Variants in ZBTB46 observed in about 807,000 individuals in gnomAD.
ZBTB46 encodes the protein zinc finger and BTB domain containing 46.
Under a neutral mutation model 44.1 loss-of-function variants are expected in ZBTB46, and 8 were observed. The observed-to-expected ratio is 0.18, with a 90% confidence interval of 0.11 to 0.33. The LOEUF (loss-of-function observed/expected upper bound fraction) is 0.33, where lower values mean the gene tolerates loss of function less well. ZBTB46 is among the 10% of genes least tolerant of loss of function. The pLI is 1.00. For missense variants in ZBTB46, 651 were observed against 847.7 expected (o/e 0.77, Z 2.88); for synonymous variants, 409 against 382.3 (o/e 1.07, Z -0.81).
intron 1 of ZBTB46, among the ~76,000 whole-genome samples, chr20:63,830,730 G>C (rs994982372): frequency 2.0e-5 from 3 of 148,506 alleles, no homozygotes; most frequent in African/African-American, 7.3e-5. Flanking sequence ...GAGGTGCCGG[G>C]GAGGGAGCGC....
chr20:63,772,879 T>C (rs6062519), intron 3 of ZBTB46, among the ~76,000 whole-genome samples: 41,119 of 151,626 alleles, frequency 0.27, 5,875 homozygotes, highest in African/African-American at 0.37. Context: ...CCAGAACCAC[T>C]CAAGGTCCCA....
At chr20:63,771,586 C>T (rs1284065608) in intron 3 of ZBTB46, among the ~76,000 whole-genome samples, 1 of 151,958 alleles carries the variant, frequency 6.6e-6, no homozygotes, top group African/African-American at 2.4e-5. Flanking sequence ...AGGCGCTCCT[C>T]CACCGCGGCA....
At chr20:63,785,523 G>A (rs576366411) in intron 2 of ZBTB46, among the ~76,000 whole-genome samples, 34 of 152,230 alleles carry the variant, frequency 2.2e-4, no homozygotes, top group Admixed American at 9.8e-4. Context: ...TCACACCACC[G>A]CACTCCAGCC....
At chr20:63,821,326 ATT>A (rs1168686929) in intron 1 of ZBTB46, among the ~76,000 whole-genome samples, 2 of 147,290 alleles carry the variant, frequency 1.4e-5, no homozygotes, top group Non-Finnish European at 3.0e-5. Context: ...TACTATTATT[ATT>A]TTTTATTTTA....
intron 3 of ZBTB46, among the ~76,000 whole-genome samples, chr20:63,761,653 G>A (rs549287259): frequency 6.6e-6 from 1 of 151,940 alleles, no homozygotes; most frequent in East Asian, 1.9e-4. Flanking sequence ...GTGGTGGCCG[G>A]TGCCTGTAAT....
intron 3 of ZBTB46, among the ~76,000 whole-genome samples, chr20:63,760,248 G>A (rs1383183785): frequency 6.6e-6 from 1 of 152,152 alleles, no homozygotes; most frequent in East Asian, 1.9e-4. Context: ...TCGCCCTGAA[G>A]CTTTCTCTGT....
At chr20:63,799,390 A>T (rs915270642) in intron 1 of ZBTB46, among the ~76,000 whole-genome samples, 5 of 150,980 alleles carry the variant, frequency 3.3e-5, no homozygotes, top group Non-Finnish European at 5.9e-5. Flanking sequence ...GCTGTCGCCC[A>T]GGCTAGAGTG....
chr20:63,780,747 A>G (rs6122173), intron 2 of ZBTB46, among the ~76,000 whole-genome samples: 81,339 of 150,500 alleles, frequency 0.54, 22,049 homozygotes, highest in South Asian at 0.61. Flanking sequence ...GCTTGCAGTG[A>G]GCCGAGATTG....
chr20:63,763,993 C>T (rs545150112), intron 3 of ZBTB46, among the ~76,000 whole-genome samples: 70 of 151,950 alleles, frequency 4.6e-4, no homozygotes, highest in Admixed American at 3.8e-3. Flanking sequence ...AAATAAGAGA[C>T]GGCCTTGCTC....
intron 2 of ZBTB46, among the ~76,000 whole-genome samples, chr20:63,777,046 ACCACAC>A (rs1340776865): frequency 8.0e-5 from 11 of 137,988 alleles, no homozygotes; most frequent in Admixed American, 2.3e-4. Context: ...CCACGGTTCC[ACCACAC>A]GCCACGGTTC....
chr20:63,774,994 C>T (rs1175662735), intron 3 of ZBTB46, among the ~76,000 whole-genome samples: 7 of 152,180 alleles, frequency 4.6e-5, no homozygotes, highest in African/African-American at 1.7e-4. Flanking sequence ...TGAGCCACCG[C>T]GCCCGGCCCC....
chr20:63,768,490 C>G (rs930833504), intron 3 of ZBTB46, among the ~76,000 whole-genome samples: 3 of 152,224 alleles, frequency 2.0e-5, no homozygotes, highest in Admixed American at 2.0e-4. Context: ...ACCTGTAATC[C>G]CAGCTACTTG....
chr20:63,751,332 A>G (rs997625710), intron 4 of ZBTB46, among the ~76,000 whole-genome samples: 2 of 151,906 alleles, frequency 1.3e-5, no homozygotes, highest in African/African-American at 2.4e-5. Context: ...ACTGTCCTCC[A>G]CCTCGCAAAG....
At chr20:63,765,355 G>C (rs920290196) in intron 3 of ZBTB46, among the ~76,000 whole-genome samples, 2 of 152,212 alleles carry the variant, frequency 1.3e-5, no homozygotes, top group Non-Finnish European at 2.9e-5. Context: ...CAGCTCATCT[G>C]TGTTCTCTCT....
rs368359717 is a variant in ZBTB46, at chr20:63,804,710, G to A, written c.-33-13920C>T. Among the ~76,000 whole-genome samples, 46 of 151,968 alleles carry A rather than the reference G, an allele frequency of 3.0e-4. No homozygotes were observed. In the East Asian group the frequency reaches 4.0e-3, roughly 13 times the overall value. On this transcript the variant is annotated intron_variant, in intron 1 of 4. Coordinates refer to ENST00000245663, the MANE Select transcript of ZBTB46 (RefSeq NM_001369741.1). ...AGATCGAGACCAGCCTGGCCAACAT[G>A]GTGAAACCCCGTCTCTACCAAAATT...
At chr20:63,769,014 C>T (rs1324344565) in intron 3 of ZBTB46, among the ~76,000 whole-genome samples, 2 of 152,194 alleles carry the variant, frequency 1.3e-5, no homozygotes, top group Non-Finnish European at 2.9e-5. Flanking sequence ...GGGAGTGGAA[C>T]AATTACTATT....
chr20:63,791,800 T>G (rs1384159460), intron 1 of ZBTB46, among the ~76,000 whole-genome samples: 1 of 152,218 alleles, frequency 6.6e-6, no homozygotes, highest in Non-Finnish European at 1.5e-5. Context: ...GAATCATTTC[T>G]GAATTGGGTA....
intron 1 of ZBTB46, 59 bp from the exon 2 acceptor site, chr20:63,790,849 C>T (rs1198669242): frequency 2.3e-5 from 34 of 1,454,892 alleles, no homozygotes; most frequent in East Asian, 1.2e-4. Flanking sequence ...CGTGAGAGGA[C>T]GCCGGGCGGG....
At chr20:63,815,127 A>G (rs2092740679) in intron 1 of ZBTB46, 1 of 215,298 alleles carries the variant, frequency 4.6e-6, no homozygotes, top group Non-Finnish European at 9.6e-6. Flanking sequence ...AGCTGCTGAG[A>G]AGACACAAAA....
Sources: gnomAD v4.1 joint callset for allele counts (sites outside exome capture counted in the v4.1 genomes callset) on GRCh38, gnomAD v4.1.1 for gene constraint, MANE v1.5 for transcripts, NCBI Gene and HGNC (gene_info 2026-07-23, HGNC 2026-07-21) for gene names.